The following RHOF variants were observed in gnomAD, a reference collection of about 807,000 sequenced individuals.
RHOF encodes the protein ras homolog family member F, filopodia associated.
Under a neutral mutation model 22.2 loss-of-function variants are expected in RHOF, and 21 were observed. The observed-to-expected ratio is 0.95, with a 90% confidence interval of 0.67 to 1.36. The LOEUF (loss-of-function observed/expected upper bound fraction) is 1.36, where lower values mean the gene tolerates loss of function less well. Among genes scored for constraint, RHOF ranks in the 40% most tolerant of loss-of-function variants. The pLI, the probability that RHOF is intolerant of heterozygous loss-of-function variation, is 0.00. For missense variants in RHOF, 285 were observed against 293.7 expected, an observed-to-expected ratio of 0.97 and a Z score of 0.22; for synonymous variants, 135 against 131.2, an observed-to-expected ratio of 1.03 and a Z score of -0.20.
chr12:121,779,668 T>C lies in RHOF; in HGVS notation c.472-6A>G. The C allele has an allele frequency of 2.5e-6, 4 of 1,613,260 alleles. No homozygotes were observed. Among genetic ancestry groups the C allele is most frequent in the Non-Finnish European group, 3.4e-6 (4 of 1,179,696 alleles). On this transcript the variant is annotated splice_region_variant and splice_polypyrimidine_tract_variant and intron_variant, in intron 4 of 4. Coordinates refer to ENST00000267205, the MANE Select transcript of RHOF (RefSeq NM_019034.3). ...TGTTCGCAGGCGCTCAGGCCCTGGG[T>C]GGGGGGAGGAGCCAGCATTAGGTGA...
chr12:121,789,012 C>G (rs902294843), intron 2 of RHOF, among the ~76,000 whole-genome samples: 2 of 152,158 alleles, frequency 1.3e-5, no homozygotes, highest in Non-Finnish European at 2.9e-5. Flanking sequence ...GTCCATGTCA[C>G]CTGCCCGTAG....
chr12:121,779,551 C>T lies in RHOF; in HGVS notation c.583G>A (p.Ala195Thr), dbSNP rs769666651. Residue 195 changes from alanine to threonine, a missense_variant, in exon 5 of 5, where the codon GCT becomes ACT. Ala to Thr is a moderately conservative substitution (Grantham distance 58). Transcript: ENST00000267205. ...FREAAKVALS[A>T]LKKAQRQKKR... ...TTCTGCCGTTGCGCCTTCTTCAGAGCGCTGAGAGCCACCTTGGCGGCCTCC... is the reference window on the plus strand; with the variant it reads ...TTCTGCCGTTGCGCCTTCTTCAGAGTGCTGAGAGCCACCTTGGCGGCCTCC... 54 of 1,613,870 alleles carry T rather than the reference C, an allele frequency of 3.3e-5. No homozygotes were observed. Among genetic ancestry groups the T allele is most frequent in the East Asian group, 2.9e-4 (13 of 44,900 alleles).
At chr12:121,792,072 C>T (rs1454789528) in intron 2 of RHOF, among the ~76,000 whole-genome samples, 8 of 146,210 alleles carry the variant, frequency 5.5e-5, no homozygotes, top group East Asian at 2.2e-4. Context: ...CCTCAGAGGC[C>T]ACGATAGGAC....
chr12:121,793,360 C>G (rs545046391), intron 1 of RHOF, 121 bp from the exon 2 acceptor site: 1 of 1,436,372 alleles, frequency 7.0e-7, no homozygotes, highest in Non-Finnish European at 9.5e-7. Flanking sequence ...CCGCTGGGCT[C>G]TGGAATTCCC....
At chr12:121,790,025 G>A (rs1322498324) in intron 2 of RHOF, among the ~76,000 whole-genome samples, 2 of 152,212 alleles carry the variant, frequency 1.3e-5, no homozygotes, top group Non-Finnish European at 2.9e-5. Context: ...TCAGGGCCCC[G>A]GTGAGGCCGA....
At chr12:121,788,201 A>G (rs1355920093) in intron 2 of RHOF, among the ~76,000 whole-genome samples, 1 of 152,206 alleles carries the variant, frequency 6.6e-6, no homozygotes, top group Non-Finnish European at 1.5e-5. Context: ...GCCCCAGGCC[A>G]CACAGCTAAG....
chr12:121,783,522 G>A (rs1874529793), intron 2 of RHOF, among the ~76,000 whole-genome samples: 4 of 151,702 alleles, frequency 2.6e-5, no homozygotes, highest in Admixed American at 2.6e-4. Context: ...CGCTCTTGTT[G>A]CCCAGGCTGG....
In RHOF at chr12:121,793,542, C is replaced by T; in HGVS notation, c.92G>A (p.Gly31Asp). ...GTACACCATGAGCAGCGAGGTCTTG[C>T]CGCAGCCGCCGTCGCCCACGATCAC... Reference protein sequence around the residue: ...KIVIVGDGGCGKTSLLMVYSQ... With the variant: ...KIVIVGDGGCDKTSLLMVYSQ... Residue 31 changes from glycine (G) to aspartate (D), a missense_variant, in exon 1 of 5, where the codon GGC (glycine) becomes GAC (aspartate). Gly to Asp is a moderately conservative substitution (Grantham distance 94). Transcript: ENST00000267205. The T allele has an allele frequency of 1.9e-6, 3 of 1,545,780 alleles. No individual in the cohort carries two copies. Among genetic ancestry groups the T allele is most frequent in the Non-Finnish European group, 1.7e-6 (2 of 1,148,196 alleles).
chr12:121,788,482 G>A (rs1054694625), intron 2 of RHOF, among the ~76,000 whole-genome samples: 2 of 152,108 alleles, frequency 1.3e-5, no homozygotes, highest in Admixed American at 1.3e-4. Context: ...GGGGTGGTGG[G>A]GGGACCAGGC....
Position 121,793,588 on chromosome 12 carries a change from C to T in RHOF, c.46G>A (p.Gly16Ser). ...ATCACGATCTTCAGCTCCTTCCTGC[C>T]CGGACCGGGGGCGGCGGTCTGGGCC... ...ALAQTAAPGP[G>S]RKELKIVIVG... Residue 16 changes from glycine (G) to serine (S), a missense_variant, in exon 1 of 5, where the codon GGC becomes AGC. By Grantham distance (56) the Gly-to-Ser change is moderately conservative. Coordinates refer to ENST00000267205, the MANE Select transcript of RHOF (RefSeq NM_019034.3). The T allele has an allele frequency of 6.4e-7, 1 of 1,553,010 alleles. No homozygotes were observed.
Position 121,787,097 on chromosome 12 carries a change from CCT to C in RHOF, c.227-5907_227-5906del, listed in dbSNP as rs567171377. 9.2e-5 allele frequency among the ~76,000 whole-genome samples: 14 copies of C among 152,142 alleles called. No homozygotes were observed. In the South Asian group the frequency reaches 2.9e-3, roughly 32 times the overall value. ...GTAATTCTCTGGGTTTTTTGGTTTG[CCT>C]CTCCTGCGGGCAGGAACCACCTCTG... On this transcript the variant is annotated intron_variant, in intron 2 of 4. Coordinates refer to ENST00000267205, the MANE Select transcript of RHOF (RefSeq NM_019034.3).
chr12:121,781,179 A>G lies in RHOF; in HGVS notation c.240T>C (p.Tyr80=), dbSNP rs1382771092. Residue 80 remains tyrosine, a synonymous_variant, in exon 3 of 5, where the codon TAT becomes TAC. Transcript: ENST00000267205. ...GGTAGGACAGGGGCCGCAGCCGGTC[A>G]TAGTCTTCTTGCCCTGAAAGCACAG... ...NLYDTAGQED[Y]DRLRPLSYQN... 1 of 1,614,112 alleles carries G rather than the reference A, an allele frequency of 6.2e-7. No homozygotes were observed. Among genetic ancestry groups the G allele is most frequent in the African/African-American group, 1.3e-5 (1 of 74,944 alleles).
intron 2 of RHOF, among the ~76,000 whole-genome samples, chr12:121,789,586 A>G (rs562468616): frequency 2.6e-5 from 4 of 152,224 alleles, no homozygotes; most frequent in African/African-American, 7.2e-5. Context: ...TGAGAAGTGA[A>G]GCTGCCAGAA....
rs1272962888 is a variant in RHOF, at chr12:121,779,316, A to T, written c.*182T>A. On this transcript the variant is annotated 3_prime_UTR_variant, in exon 5 of 5. Transcript: ENST00000267205. Reference sequence around the variant, plus strand: ...CCACCATGTCCCAGGGGCAGCCTGGAGGGGAGTTTGTGGTCAGAGCCCCAG... The same window carrying T: ...CCACCATGTCCCAGGGGCAGCCTGGTGGGGAGTTTGTGGTCAGAGCCCCAG... 1 of 653,064 alleles carries T rather than the reference A, an allele frequency of 1.5e-6. No homozygotes were observed. The highest frequency in any genetic ancestry group is 2.6e-6 in the Non-Finnish European group (1 of 387,262). The allele number at this position is 653,064 out of a possible 1,614,324, so 40.5% of individuals were successfully genotyped here. A position where few individuals can be genotyped will look rare whatever the true frequency, so the allele number is the denominator to read the frequency against.
intron 2 of RHOF, among the ~76,000 whole-genome samples, chr12:121,789,216 C>G (rs944234114): frequency 6.7e-6 from 1 of 150,006 alleles, no homozygotes; most frequent in Non-Finnish European, 1.5e-5. Context: ...GGTGACAGAG[C>G]GAGACCCTGT....
In RHOF at chr12:121,778,923, T is replaced by C. The variant is rs1418466290; in HGVS notation, c.*575A>G. 1 of 154,076 alleles carries C rather than the reference T, an allele frequency of 6.5e-6. No homozygotes were observed. Among genetic ancestry groups the C allele is most frequent in the Non-Finnish European group, 1.4e-5 (1 of 69,284 alleles). The allele number at this position is 154,076 out of a possible 1,614,324, so 9.5% of individuals were successfully genotyped here. On this transcript the variant is annotated 3_prime_UTR_variant, in exon 5 of 5. Transcript: ENST00000267205. ...CATGTGCCCAGCTCTGCAAAGACAG[T>C]GGCCAAGTTGAAGACAAGTCTTCCA...
chr12:121,780,758 A>T, intron 4 of RHOF, 114 bp downstream of exon 4: 3 of 1,220,346 alleles, frequency 2.5e-6, no homozygotes, highest in Non-Finnish European at 3.4e-6. Context: ...TATTCTTAGA[A>T]TCTTGCTTCC....
Position 121,791,743 on chromosome 12 carries a change from C to T in RHOF, c.226+1409G>A, listed in dbSNP as rs113435204. 4.7e-3 allele frequency among the ~76,000 whole-genome samples: 711 copies of T among 152,320 alleles called. 5 individuals carry two copies. Among genetic ancestry groups the T allele is most frequent in the Middle Eastern group, 0.01 (3 of 294 alleles). The stretch of plus-strand genomic sequence containing the variant: ...GGAGGCTGCCCTGAACAGTGAACCC[C>T]GGGACCTGATAGGGGAGGCCCTGAT... On this transcript the variant is annotated intron_variant, in intron 2 of 4. Transcript: ENST00000267205.
chr12:121,781,345 C>T (rs771520334), intron 2 of RHOF, 153 bp from the exon 3 acceptor site: 25 of 656,382 alleles, frequency 3.8e-5, no homozygotes, highest in Non-Finnish European at 6.2e-5. Flanking sequence ...CTGGCACAGG[C>T]CTGTGGTCGC....
Sources: allele counts gnomAD v4.1 joint callset (sites outside exome capture counted in the v4.1 genomes callset), GRCh38; gene constraint gnomAD v4.1.1; transcripts MANE v1.5; gene names NCBI Gene and HGNC (gene_info 2026-07-23, HGNC 2026-07-21).